Variants in NUP214 observed in about 807,000 individuals in gnomAD.
NUP214 encodes the protein nuclear pore complex protein Nup214.
Under a neutral mutation model 196.2 loss-of-function variants are expected in NUP214, and 79 were observed. The ratio of observed to expected loss-of-function variants is 0.40; its 90% CI spans 0.34 to 0.49. The LOEUF is 0.49. Ranked by LOEUF, NUP214 falls within the 20% of genes least tolerant of loss-of-function variation. The pLI is 0.58. For synonymous variants in NUP214, 1,020 were observed against 990.5 expected, an observed-to-expected ratio of 1.03 and a Z score of -0.56; for missense variants, 2,468 against 2,539.0, an observed-to-expected ratio of 0.97 and a Z score of 0.60.
intron 32 of NUP214, among the ~76,000 whole-genome samples, chr9:131,223,708 T>TA (rs1318298407): frequency 1.2e-4 from 9 of 72,798 alleles, no homozygotes; most frequent in Non-Finnish European, 1.3e-4. Flanking sequence ...ACTTTTTTTT[T>TA]ATTTTTATTT....
At chr9:131,128,754 G>C (rs1283586822) in intron 3 of NUP214, 2 of 354,260 alleles carry the variant, frequency 5.6e-6, no homozygotes, top group Non-Finnish European at 1.0e-5. Context: ...AATGTCAAAA[G>C]TTCCTACATT....
At position 131,206,148 on chromosome 9, in the gene NUP214, C is replaced by CT. The variant is rs71265048; in HGVS notation, c.5592+4445dup. ...TCCACATAGAATTTTTTTCTTTTTTCTTTTTTTTTTTTTTGAGACAGGGTT... is the reference window on the plus strand; with the variant it reads ...TCCACATAGAATTTTTTTCTTTTTTCTTTTTTTTTTTTTTTGAGACAGGGTT... On this transcript the variant is annotated intron_variant, in intron 30 of 35. Coordinates refer to ENST00000359428, the MANE Select transcript of NUP214 (RefSeq NM_005085.4). 1.7e-4 allele frequency among the ~76,000 whole-genome samples: 13 copies of CT among 76,388 alleles called. 2 individuals are homozygous for CT. The highest frequency in any genetic ancestry group is 4.8e-4 in the African/African-American group (9 of 18,824). 50.1% of individuals were successfully genotyped at this position (76,388 alleles called of 152,430 possible).
intron 22 of NUP214, 53 bp downstream of exon 22, chr9:131,174,371 A>C: frequency 6.4e-7 from 1 of 1,572,332 alleles, no homozygotes; most frequent in Non-Finnish European, 8.6e-7. Flanking sequence ...TTTCTAACTA[A>C]TGACGGAATT....
chr9:131,150,206 C>A, intron 14 of NUP214, 118 bp from the exon 15 acceptor site: 4 of 804,268 alleles, frequency 5.0e-6, no homozygotes, highest in Admixed American at 2.2e-5. Context: ...GGATTCGTTA[C>A]AATGAGTGAA....
intron 21 of NUP214, among the ~76,000 whole-genome samples, chr9:131,169,723 A>G (rs1832900859): frequency 6.6e-6 from 1 of 152,120 alleles, no homozygotes; most frequent in African/African-American, 2.4e-5. Flanking sequence ...TGTGGTTTCC[A>G]TTGCACCTAC....
chr9:131,164,885 A>G (rs1470104009), intron 21 of NUP214, among the ~76,000 whole-genome samples: 2 of 152,204 alleles, frequency 1.3e-5, no homozygotes, highest in African/African-American at 4.8e-5. Flanking sequence ...TTTAGTATCC[A>G]TATCCAAATT....
At chr9:131,213,657 T>C (rs182619366) in intron 30 of NUP214, among the ~76,000 whole-genome samples, 118 of 152,320 alleles carry the variant, frequency 7.7e-4, no homozygotes, top group Non-Finnish European at 9.4e-4. Context: ...CATGGCAGTT[T>C]ACTAGTTATC....
chr9:131,150,220 A>G (rs570566854), intron 14 of NUP214, 104 bp from the exon 15 acceptor site: 3 of 901,546 alleles, frequency 3.3e-6, no homozygotes, highest in Non-Finnish European at 5.3e-6. Flanking sequence ...GAGTGAAGAA[A>G]TAATGACTGT....
chr9:131,195,365 A>G (rs1833744415), intron 28 of NUP214, 71 bp downstream of exon 28: 1 of 1,237,618 alleles, frequency 8.1e-7, no homozygotes, highest in East Asian at 2.3e-5. Context: ...TTTTGCCCAC[A>G]TGTTAGTATT....
In NUP214 at chr9:131,174,200, T is replaced by A. The variant is rs1055336627; in HGVS notation, c.3039T>A (p.Pro1013=). The change falls in exon 22 of 36, where the codon CCT becomes CCA. Residue 1013 remains proline (P), a synonymous_variant. Transcript: ENST00000359428. ...CKDDEAVVQA[P]RHAPVVRTPS... Reference sequence around the variant, plus strand: ...ATGACGAGGCAGTGGTTCAGGCCCCTCGGCACGCCCCCGTGGTTCGCACTC... The same window carrying A: ...ATGACGAGGCAGTGGTTCAGGCCCCACGGCACGCCCCCGTGGTTCGCACTC... The A allele has an allele frequency of 2.5e-6, 4 of 1,613,836 alleles. No individual in the cohort carries two copies. The highest frequency in any genetic ancestry group is 3.4e-6 in the Non-Finnish European group (4 of 1,179,968).
chr9:131,139,403 C>T lies in NUP214; in HGVS notation c.1128C>T (p.Thr376=). The T allele has an allele frequency of 6.2e-7, 1 of 1,604,110 alleles. No individual in the cohort carries two copies. The highest frequency in any genetic ancestry group is 8.5e-7 in the Non-Finnish European group (1 of 1,176,802). Residue 376 remains threonine (T), a synonymous_variant, in exon 10 of 36, where the codon ACC becomes ACT. Transcript: ENST00000359428. ...VVDYTNQVEI[T]ISDEKTLPPA... ...ACTATACAAACCAAGTGGAAATCACCATCAGTAAGTGTAGCCTGGTAGTTA... is the reference window on the plus strand; with the variant it reads ...ACTATACAAACCAAGTGGAAATCACTATCAGTAAGTGTAGCCTGGTAGTTA...
At position 131,232,642 on chromosome 9, in the gene NUP214, C is replaced by T. The variant is rs1834911202; in HGVS notation, c.6239+334C>T. The T allele has an allele frequency of 2.3e-6, 1 of 429,226 alleles. No homozygotes were observed. Among genetic ancestry groups the T allele is most frequent in the Non-Finnish European group, 4.3e-6 (1 of 231,456 alleles). The allele number at this position is 429,226 out of a possible 1,614,324, so 26.6% of individuals were successfully genotyped here. ...TTTCTCAGAAGCTGCATGCTAACCCCTGGGCTCTGGGCCATCACCAGGTCT... is the reference window on the plus strand; with the variant it reads ...TTTCTCAGAAGCTGCATGCTAACCCTTGGGCTCTGGGCCATCACCAGGTCT... On this transcript the variant is annotated intron_variant, in intron 35 of 35. Coordinates refer to ENST00000359428, the MANE Select transcript of NUP214 (RefSeq NM_005085.4). This position sits in a 1 kb window ranked among gnomAD's most constrained non-coding sequence, Gnocchi z 5.1.
intron 32 of NUP214, 79 bp downstream of exon 32, chr9:131,223,009 T>G: frequency 1.2e-4 from 172 of 1,402,126 alleles, no homozygotes; most frequent in Middle Eastern, 4.2e-4. Context: ...GAGACATCTC[T>G]AGGGTGGTTA....
rs571224763 is a variant in NUP214 at position 131,212,809 on chromosome 9, A to G, written c.5593-2403A>G. The stretch of plus-strand genomic sequence containing the variant: ...TTTTTTTATAGATTTATACAGGAAA[A>G]TTAGTGGATGAAATGATATGTCTGA... On this transcript the variant is annotated intron_variant, in intron 30 of 35. Coordinates refer to ENST00000359428, the MANE Select transcript of NUP214 (RefSeq NM_005085.4). Among the ~76,000 whole-genome samples the G allele has an allele frequency of 3.3e-5, 5 of 152,328 alleles. No individual in the cohort carries two copies. The South Asian group carries it at 1.0e-3, about 32-fold the overall frequency.
At chr9:131,188,433 A>G (rs1272015083) in intron 25 of NUP214, among the ~76,000 whole-genome samples, 1 of 152,234 alleles carries the variant, frequency 6.6e-6, no homozygotes, top group African/African-American at 2.4e-5. Context: ...TCTGTCTCTG[A>G]GATGAGTAGT....
chr9:131,193,346 G>A (rs1363020736), intron 27 of NUP214, among the ~76,000 whole-genome samples: 1 of 152,056 alleles, frequency 6.6e-6, no homozygotes, highest in Non-Finnish European at 1.5e-5. Context: ...AAGTTCTTCA[G>A]TTTATGCTTT....
Position 131,198,757 on chromosome 9 carries a change from G to A in NUP214, c.5263G>A (p.Ala1755Thr), listed in dbSNP as rs754753867. Residue 1755 changes from alanine (A) to threonine (T), a missense_variant, in exon 29 of 36, where the codon GCC becomes ACC. Ala to Thr is a moderately conservative substitution (Grantham distance 58). This residue lies in a region of NUP214 where 1,801 missense variants were observed against 1,779.4 expected (regional missense o/e 1.01). Transcript: ENST00000359428. Reference sequence around the variant, plus strand: ...TCAGCCTGGGTTCAGTTCCGTGCCTGCCTTCGGTCAGCCTGCTTCCTCCAC... The same window carrying A: ...TCAGCCTGGGTTCAGTTCCGTGCCTACCTTCGGTCAGCCTGCTTCCTCCAC... ...FSQPGFSSVP[A>T]FGQPASSTPT... The A allele has an allele frequency of 1.2e-6, 2 of 1,614,226 alleles. No individual in the cohort carries two copies. Among genetic ancestry groups the A allele is most frequent in the Non-Finnish European group, 1.7e-6 (2 of 1,180,042 alleles).
At chr9:131,135,107 A>G (rs748369343) in intron 8 of NUP214, 103 bp downstream of exon 8, 2 of 832,348 alleles carry the variant, frequency 2.4e-6, no homozygotes, top group Admixed American at 4.2e-5. Context: ...TGATTGATGG[A>G]TTGGCAGGGT....
chr9:131,173,000 G>A (rs543782710), intron 21 of NUP214, among the ~76,000 whole-genome samples: 12 of 152,232 alleles, frequency 7.9e-5, no homozygotes, highest in East Asian at 1.9e-4. Context: ...CTTACTCTTC[G>A]TAGTCTAAAC....
Sources: allele counts gnomAD v4.1 joint callset (sites outside exome capture counted in the v4.1 genomes callset), GRCh38; gene constraint gnomAD v4.1.1; regional missense constraint gnomAD v4.1.1; non-coding constraint Gnocchi (gnomAD v3.1); transcripts MANE v1.5; gene names NCBI Gene and HGNC (gene_info 2026-07-23, HGNC 2026-07-21).